VPS4B: variants seen among roughly 807,000 people sequenced by gnomAD.
VPS4B encodes vacuolar protein sorting 4 homolog B.
In VPS4B, 23 loss-of-function variants were observed where a neutral mutation model predicts 56.1. The ratio of observed to expected loss-of-function variants is 0.41; its 90% CI spans 0.30 to 0.58. VPS4B has a LOEUF of 0.58. VPS4B is among the 20% of genes least tolerant of loss of function. The pLI is 0.29. For missense variants in VPS4B, 372 were observed against 531.9 expected, an observed-to-expected ratio of 0.70 and a Z score of 2.96; for synonymous variants, 177 against 186.0, an observed-to-expected ratio of 0.95 and a Z score of 0.39.
intron 10 of VPS4B, among the ~76,000 whole-genome samples, chr18:63,391,854 A>C (rs751121531): frequency 3.3e-5 from 5 of 152,238 alleles, no homozygotes; most frequent in Non-Finnish European, 7.3e-5. Context: ...TAAGATCGAA[A>C]TGGTTAGAAA....
At chr18:63,412,874 G>C (rs997797119) in intron 1 of VPS4B, among the ~76,000 whole-genome samples, 2 of 151,856 alleles carry the variant, frequency 1.3e-5, no homozygotes, top group Admixed American at 6.6e-5. Context: ...GGGATGCGCA[G>C]AGTTCTTAGA....
At chr18:63,403,129 T>C (rs1170210621) in intron 5 of VPS4B, among the ~76,000 whole-genome samples, 1 of 152,266 alleles carries the variant, frequency 6.6e-6, no homozygotes, top group Non-Finnish European at 1.5e-5. Flanking sequence ...CTTTTGCTAC[T>C]AGAGGTTATG....
Position 63,390,739 on chromosome 18 carries a change from G to T in VPS4B, c.*236C>A. 4.1e-6 allele frequency: 1 copy of T among 246,150 alleles called. No homozygotes were observed. Among genetic ancestry groups the T allele is most frequent in the Non-Finnish European group, 7.7e-6 (1 of 129,934 alleles). The allele number at this position is 246,150 out of a possible 1,614,324, so 15.2% of individuals were successfully genotyped here. A position where few individuals can be genotyped will look rare whatever the true frequency, so the allele number is the denominator to read the frequency against. On this transcript the variant is annotated 3_prime_UTR_variant, in exon 11 of 11. Coordinates refer to ENST00000238497, the MANE Select transcript of VPS4B (RefSeq NM_004869.4). ...TTTACTGGGTAATTTCTGTTTTTATGCCGTTCATATATCGCTCATTTCCTC... is the reference window on the plus strand; with the variant it reads ...TTTACTGGGTAATTTCTGTTTTTATTCCGTTCATATATCGCTCATTTCCTC...
intron 10 of VPS4B, among the ~76,000 whole-genome samples, chr18:63,391,635 A>G (rs938436639): frequency 6.6e-6 from 1 of 152,344 alleles, no homozygotes; most frequent in African/African-American, 2.4e-5. Context: ...AATACTTATC[A>G]GAAGGACAAT....
At chr18:63,410,059 C>T (rs567275226) in intron 3 of VPS4B, among the ~76,000 whole-genome samples, 8 of 152,272 alleles carry the variant, frequency 5.3e-5, no homozygotes, top group East Asian at 1.9e-4. Flanking sequence ...GTGGGCCATA[C>T]GGTCTCCACA....
intron 9 of VPS4B, among the ~76,000 whole-genome samples, chr18:63,395,145 A>C (rs1915641684): frequency 6.6e-6 from 1 of 152,142 alleles, no homozygotes; most frequent in Admixed American, 6.5e-5. Flanking sequence ...CCTTCATCCC[A>C]CTAACAAGGA....
At chr18:63,392,444 T>C (rs1469025337) in intron 10 of VPS4B, among the ~76,000 whole-genome samples, 1 of 152,194 alleles carries the variant, frequency 6.6e-6, no homozygotes, top group Admixed American at 6.5e-5. Context: ...TTCTGGTTTT[T>C]GTTTTTGTTG....
chr18:63,422,128 G>C, intron 1 of VPS4B, 105 bp downstream of exon 1: 3 of 1,276,172 alleles, frequency 2.4e-6, no homozygotes, highest in African/African-American at 1.6e-5. Context: ...CCTGCGCCTC[G>C]ACCACAGGCG....
chr18:63,392,900 A>G (rs1915585298), intron 10 of VPS4B, among the ~76,000 whole-genome samples: 1 of 151,800 alleles, frequency 6.6e-6, no homozygotes, highest in East Asian at 1.9e-4. Flanking sequence ...TGTGCACCAC[A>G]CTGCCTGGCT....
chr18:63,409,428 C>A (rs1915985202), intron 3 of VPS4B, among the ~76,000 whole-genome samples: 1 of 152,152 alleles, frequency 6.6e-6, no homozygotes, highest in African/African-American at 2.4e-5. Flanking sequence ...AGAACCACAT[C>A]CTCTAAAGCT....
chr18:63,422,437 C>G lies in VPS4B; in HGVS notation c.-178G>C. 1 of 468,374 alleles carries G rather than the reference C, an allele frequency of 2.1e-6. No individual in the cohort carries two copies. Among genetic ancestry groups the G allele is most frequent in the Non-Finnish European group, 3.6e-6 (1 of 279,474 alleles). 29.0% of individuals were successfully genotyped at this position (468,374 alleles called of 1,614,324 possible). The stretch of plus-strand genomic sequence containing the variant: ...GACAACACTCTCTCCACCAGAGCTC[C>G]GACCCTCCCCACCAAACTTCCGCAA... On this transcript the variant is annotated 5_prime_UTR_variant, in exon 1 of 11. Transcript: ENST00000238497.
At chr18:63,421,701 C>T (rs1916305854) in intron 1 of VPS4B, among the ~76,000 whole-genome samples, 2 of 152,166 alleles carry the variant, frequency 1.3e-5, no homozygotes, top group African/African-American at 4.8e-5. Flanking sequence ...CTCGATCTTA[C>T]ACACTACCAT....
chr18:63,412,519 T>C (rs62099964), intron 1 of VPS4B, among the ~76,000 whole-genome samples: 5,441 of 152,240 alleles, frequency 0.036, 103 homozygotes, highest in African/African-American at 0.044. Context: ...TTGAAAATGA[T>C]GCAAAAAGCC....
intron 4 of VPS4B, among the ~76,000 whole-genome samples, chr18:63,407,176 A>G (rs768820436): frequency 1.3e-5 from 2 of 152,216 alleles, no homozygotes; most frequent in Non-Finnish European, 2.9e-5. Flanking sequence ...AAAAAGAAAG[A>G]GCAAGTTGAC....
At position 63,422,330 on chromosome 18, in the gene VPS4B, G is replaced by T. The variant is rs1458991558; in HGVS notation, c.-71C>A. ...GCCAACAGCAGCAACGTCGAAGCGC[G>T]CACGGGGTAACAGCCCTCAAACTGG... On this transcript the variant is annotated 5_prime_UTR_variant, in exon 1 of 11. Coordinates refer to ENST00000238497, the MANE Select transcript of VPS4B (RefSeq NM_004869.4). 1.5e-5 allele frequency: 21 copies of T among 1,401,178 alleles called. 1 individual carries two copies. The East Asian group carries it at 5.9e-4, about 40-fold the overall frequency. 86.8% of individuals were successfully genotyped at this position (1,401,178 alleles called of 1,614,324 possible).
At chr18:63,417,679 T>G (rs188793779) in intron 1 of VPS4B, among the ~76,000 whole-genome samples, 1 of 151,504 alleles carries the variant, frequency 6.6e-6, no homozygotes, top group Non-Finnish European at 1.5e-5. Context: ...TGTTTTTTTT[T>G]AATTTATTGG....
At chr18:63,415,313 C>T (rs767271268) in intron 1 of VPS4B, 26 of 169,126 alleles carry the variant, frequency 1.5e-4, no homozygotes, top group Middle Eastern at 2.8e-3. Context: ...AGGACATCCC[C>T]GCACTTCCAT....
At chr18:63,410,217 G>A (rs1916005426) in intron 3 of VPS4B, 73 bp downstream of exon 3, 3 of 1,581,792 alleles carry the variant, frequency 1.9e-6, no homozygotes, top group African/African-American at 1.4e-5. Flanking sequence ...GCTGACACCT[G>A]TTTTAATCAA....
chr18:63,406,267 C>T (rs999814685), intron 4 of VPS4B, among the ~76,000 whole-genome samples: 2 of 152,196 alleles, frequency 1.3e-5, no homozygotes, highest in Non-Finnish European at 2.9e-5. Context: ...TGGACTATAT[C>T]TACCACTGAA....
Sources: gnomAD v4.1 joint callset for allele counts (sites outside exome capture counted in the v4.1 genomes callset) on GRCh38, gnomAD v4.1.1 for gene constraint, MANE v1.5 for transcripts, NCBI Gene and HGNC (gene_info 2026-07-23, HGNC 2026-07-21) for gene names.